Variants in ADAMTS2 observed in about 807,000 individuals in gnomAD.
ADAMTS2 encodes the protein ADAM metallopeptidase with thrombospondin type 1 motif 2.
ADAMTS2 carries 50 observed loss-of-function variants against 123.0 expected under a neutral mutation model. The ratio of observed to expected loss-of-function variants is 0.41; its 90% CI spans 0.32 to 0.51. ADAMTS2 has a LOEUF of 0.51. Ranked by LOEUF, ADAMTS2 falls within the 20% of genes least tolerant of loss-of-function variation. The pLI, the probability that ADAMTS2 is intolerant of heterozygous loss-of-function variation, is 0.35. For missense variants in ADAMTS2, 1,494 were observed against 1,705.2 expected, an observed-to-expected ratio of 0.88 and a Z score of 2.18; for synonymous variants, 678 against 695.4, an observed-to-expected ratio of 0.98 and a Z score of 0.39.
At chr5:179,341,995 G>GC (rs1757787774) in intron 2 of ADAMTS2, among the ~76,000 whole-genome samples, 1 of 152,098 alleles carries the variant, frequency 6.6e-6, no homozygotes. Context: ...CATTCAAACA[G>GC]CCCCCCAGGA....
intron 3 of ADAMTS2, among the ~76,000 whole-genome samples, chr5:179,232,128 C>T (rs1434105334): frequency 2.0e-5 from 3 of 152,158 alleles, no homozygotes; most frequent in Non-Finnish European, 2.9e-5. Flanking sequence ...AGATATTCCA[C>T]GTTTATCCTG....
intron 3 of ADAMTS2, among the ~76,000 whole-genome samples, chr5:179,264,981 C>T (rs1411935599): frequency 6.6e-6 from 1 of 150,666 alleles, no homozygotes; most frequent in African/African-American, 2.4e-5. Context: ...CAGCAGCATG[C>T]CGGGCGGGGC....
At chr5:179,184,978 G>A (rs1391958353) in intron 4 of ADAMTS2, among the ~76,000 whole-genome samples, 1 of 152,180 alleles carries the variant, frequency 6.6e-6, no homozygotes, top group Non-Finnish European at 1.5e-5. Flanking sequence ...TGAGACCTGA[G>A]AAACAGAACA....
intron 17 of ADAMTS2, 133 bp from the exon 18 acceptor site, chr5:179,126,263 G>C (rs542911213): frequency 7.4e-7 from 1 of 1,342,918 alleles, no homozygotes; most frequent in East Asian, 2.3e-5. Context: ...AGGGTGGGCA[G>C]GGCACCGAGC....
At position 179,212,567 on chromosome 5, in the gene ADAMTS2, A is replaced by G. The variant is rs13169942; in HGVS notation, c.689-4852T>C. ...GTGAGCAGGCGTGGGTCCTGAGGGC[A>G]GGTGCAGTGGGCAGGCGTGGGCCCT... On this transcript the variant is annotated intron_variant, in intron 3 of 21. Transcript: ENST00000251582. Among the ~76,000 whole-genome samples, 32 of 119,148 alleles carry G rather than the reference A, an allele frequency of 2.7e-4. 3 individuals are homozygous for G. The highest frequency in any genetic ancestry group is 2.9e-4 in the East Asian group (1 of 3,462). The allele number at this position is 119,148 out of a possible 152,430, so 78.2% of individuals were successfully genotyped here.
intron 3 of ADAMTS2, among the ~76,000 whole-genome samples, chr5:179,244,895 A>T (rs1765748308): frequency 6.6e-6 from 1 of 152,218 alleles, no homozygotes; most frequent in Non-Finnish European, 1.5e-5. Flanking sequence ...TTCTTTAAGC[A>T]TGAAATTATA....
chr5:179,256,972 C>T lies in ADAMTS2; in HGVS notation c.688+15939G>A, dbSNP rs535559929. ...TGAGGTCAGGCCAGAGCAAGGACTCCGCAGGCCAGGCCCACACTGGCGGCC... is the reference window on the plus strand; with the variant it reads ...TGAGGTCAGGCCAGAGCAAGGACTCTGCAGGCCAGGCCCACACTGGCGGCC... On this transcript the variant is annotated intron_variant, in intron 3 of 21. Transcript: ENST00000251582. This position sits in a 1 kb window ranked among gnomAD's most constrained non-coding sequence, Gnocchi z 4.1. Among the ~76,000 whole-genome samples the T allele has an allele frequency of 1.4e-3, 212 of 152,352 alleles. No individual in the cohort carries two copies. The highest frequency in any genetic ancestry group is 4.8e-3 in the African/African-American group (198 of 41,588).
At chr5:179,258,942 C>T (rs1386974417) in intron 3 of ADAMTS2, among the ~76,000 whole-genome samples, 9 of 152,168 alleles carry the variant, frequency 5.9e-5, no homozygotes, top group Non-Finnish European at 8.8e-5. Context: ...GGGGCTGATC[C>T]GGCCGCTGCT....
Position 179,189,510 on chromosome 5 carries a change from G to GCTTTT in ADAMTS2, c.892-8356_892-8355insAAAAG, listed in dbSNP as rs1554128903. ...CTACAGGCGCCCGCCAGTGCGCCTG[G>GCTTTT]TTTTTTTTTTTTTTTTTTTTTTTTT... is the stretch of plus-strand genomic sequence containing the variant. On this transcript the variant is annotated intron_variant, in intron 4 of 21. Transcript: ENST00000251582. The surrounding 1 kb of genome is among the most constrained non-coding windows in gnomAD (Gnocchi z 4.2). Among the ~76,000 whole-genome samples the GCTTTT allele has an allele frequency of 0.025, 1,940 of 78,972 alleles. 498 individuals carry two copies. Among genetic ancestry groups the GCTTTT allele is most frequent in the Middle Eastern group, 0.045 (5 of 110 alleles). 51.8% of individuals were successfully genotyped at this position (78,972 alleles called of 152,430 possible).
chr5:179,315,643 C>A (rs1312131482), intron 2 of ADAMTS2, among the ~76,000 whole-genome samples: 2 of 152,222 alleles, frequency 1.3e-5, no homozygotes, highest in Non-Finnish European at 2.9e-5. Context: ...CAGGACCGCC[C>A]ATGGCACGCA....
intron 2 of ADAMTS2, among the ~76,000 whole-genome samples, chr5:179,305,603 C>A (rs1756645679): frequency 6.6e-6 from 1 of 151,514 alleles, no homozygotes. Flanking sequence ...CAAAATAAGC[C>A]CAAAGCAAGT....
chr5:179,232,819 A>T (rs1048809401), intron 3 of ADAMTS2, among the ~76,000 whole-genome samples: 4 of 151,452 alleles, frequency 2.6e-5, no homozygotes, highest in Admixed American at 6.6e-5. Flanking sequence ...TGCAATTCCC[A>T]TGTTTGTATA....
At chr5:179,220,133 G>A (rs531921929) in intron 3 of ADAMTS2, among the ~76,000 whole-genome samples, 50 of 152,274 alleles carry the variant, frequency 3.3e-4, no homozygotes, top group African/African-American at 8.7e-4. Flanking sequence ...CGCAGCACGC[G>A]GCAGCCAAGT....
At chr5:179,254,379 C>A (rs1765995780) in intron 3 of ADAMTS2, among the ~76,000 whole-genome samples, 1 of 152,052 alleles carries the variant, frequency 6.6e-6, no homozygotes, top group South Asian at 2.1e-4. Flanking sequence ...TCACTATGAG[C>A]TGGGAAGGGG....
At chr5:179,220,933 GGCCCTCT>G (rs1417538141) in intron 3 of ADAMTS2, among the ~76,000 whole-genome samples, 2 of 152,100 alleles carry the variant, frequency 1.3e-5, no homozygotes, top group African/African-American at 4.8e-5. Context: ...GTGCAAATGA[GGCCCTCT>G]CCTACCCGGC....
intron 12 of ADAMTS2, among the ~76,000 whole-genome samples, chr5:179,137,137 C>T (rs909357733): frequency 6.6e-6 from 1 of 152,194 alleles, no homozygotes; most frequent in Non-Finnish European, 1.5e-5. Context: ...GAGGGGGACC[C>T]CATCTGCTGT....
Position 179,314,984 on chromosome 5 carries a change from C to T in ADAMTS2, c.534+28783G>A, listed in dbSNP as rs1261518406. 6.6e-6 allele frequency among the ~76,000 whole-genome samples: 1 copy of T among 152,114 alleles called. No individual in the cohort carries two copies. The highest frequency in any genetic ancestry group is 1.5e-5 in the Non-Finnish European group (1 of 68,022). On this transcript the variant is annotated intron_variant, in intron 2 of 21. Transcript: ENST00000251582. The surrounding 1 kb of genome is among the most constrained non-coding windows in gnomAD (Gnocchi z 4.5). ...ATCACAGCCAGCTACGCCCCCTTCT[C>T]CCAGTTATTCAAGCCTGGAAGGAAC...
At position 179,185,034 on chromosome 5, in the gene ADAMTS2, G is replaced by A. The variant is rs1302870095; in HGVS notation, c.892-3879C>T. ...GATGGCGCTCCTGGCAGAGGAGGCAGCCCATGCAAACCTCCCAGGGTTGGA... is the reference window on the plus strand; with the variant it reads ...GATGGCGCTCCTGGCAGAGGAGGCAACCCATGCAAACCTCCCAGGGTTGGA... On this transcript the variant is annotated intron_variant, in intron 4 of 21. Transcript: ENST00000251582. This position sits in a 1 kb window ranked among gnomAD's most constrained non-coding sequence, Gnocchi z 5.9. Among the ~76,000 whole-genome samples the A allele has an allele frequency of 2.0e-5, 3 of 152,196 alleles. No homozygotes were observed. Among genetic ancestry groups the A allele is most frequent in the Non-Finnish European group, 4.4e-5 (3 of 68,030 alleles).
At position 179,197,698 on chromosome 5, in the gene ADAMTS2, C is replaced by A. The variant is rs989614944; in HGVS notation, c.891+9815G>T. Reference sequence around the variant, plus strand: ...CTCCAGCCTGGGTGACTGAGTGAGACCCTGTCTCAAAAAAGAAAAAAATGC... The same window carrying A: ...CTCCAGCCTGGGTGACTGAGTGAGAACCTGTCTCAAAAAAGAAAAAAATGC... On this transcript the variant is annotated intron_variant, in intron 4 of 21. Coordinates refer to ENST00000251582, the MANE Select transcript of ADAMTS2 (RefSeq NM_014244.5). This position sits in a 1 kb window ranked among gnomAD's most constrained non-coding sequence, Gnocchi z 4.2. Among the ~76,000 whole-genome samples the A allele has an allele frequency of 6.6e-5, 10 of 152,132 alleles. No homozygotes were observed. The East Asian group carries it at 1.7e-3, about 26-fold the overall frequency.
Sources: gnomAD v4.1 joint callset for allele counts (sites outside exome capture counted in the v4.1 genomes callset) on GRCh38, gnomAD v4.1.1 for gene constraint, Gnocchi (gnomAD v3.1) non-coding constraint, MANE v1.5 for transcripts, NCBI Gene and HGNC (gene_info 2026-07-23, HGNC 2026-07-21) for gene names.